FANCL: variants seen among roughly 807,000 people sequenced by gnomAD.
The protein encoded by FANCL is E3 ubiquitin-protein ligase FANCL.
In FANCL, 69 loss-of-function variants were observed where a neutral mutation model predicts 59.4. The observed-to-expected ratio is 1.16, with a 90% CI of 0.96 to 1.42. The LOEUF is 1.42. Among genes scored for constraint, FANCL ranks in the 40% most tolerant of loss-of-function variants. The pLI is 0.00. For missense variants in FANCL, 519 were observed against 447.2 expected (o/e 1.16, Z -1.45); for synonymous variants, 180 against 147.1 (o/e 1.22, Z -1.62).
At chr2:58,163,354 A>C in intron 9 of FANCL, 80 bp downstream of exon 9, 1 of 961,050 alleles carries the variant, frequency 1.0e-6, no homozygotes, top group Non-Finnish European at 1.7e-6. Context: ...TTAATATACT[A>C]ATATTGTCTA....
At chr2:58,223,126 A>G (rs1692645340) in intron 4 of FANCL, among the ~76,000 whole-genome samples, 1 of 150,828 alleles carries the variant, frequency 6.6e-6, no homozygotes, top group African/African-American at 2.5e-5. Context: ...TTCGTTCTGA[A>G]TCTGCTTTAT....
intron 5 of FANCL, among the ~76,000 whole-genome samples, chr2:58,208,592 T>C (rs1439347915): frequency 6.6e-6 from 1 of 152,222 alleles, no homozygotes; most frequent in Non-Finnish European, 1.5e-5. Context: ...TTTAGCCATC[T>C]AGATGCATTT....
chr2:58,187,822 T>G (rs1015347700), intron 7 of FANCL, among the ~76,000 whole-genome samples: 2 of 152,044 alleles, frequency 1.3e-5, no homozygotes, highest in Non-Finnish European at 2.9e-5. Context: ...ACTTTGAGAG[T>G]TCTTTATATA....
At chr2:58,217,938 A>T (rs1422974420) in intron 5 of FANCL, among the ~76,000 whole-genome samples, 1 of 152,140 alleles carries the variant, frequency 6.6e-6, no homozygotes, top group Non-Finnish European at 1.5e-5. Flanking sequence ...CAAAATTGAC[A>T]AGGTGCTGGG....
At chr2:58,214,672 A>C (rs959410714) in intron 5 of FANCL, among the ~76,000 whole-genome samples, 1 of 151,284 alleles carries the variant, frequency 6.6e-6, no homozygotes, top group Non-Finnish European at 1.5e-5. Context: ...TAATTTATTT[A>C]TTTATTTATT....
Position 58,192,060 on chromosome 2 carries a change from G to A in FANCL, c.540+6534C>T, listed in dbSNP as rs1429940406. ...AGCAGATATGAAGCCTACTGTGAAG[G>A]TCTATAGTAAAGTCATATTTATTAA... On this transcript the variant is annotated intron_variant, in intron 7 of 13. Transcript: ENST00000233741. Among the ~76,000 whole-genome samples, 3 of 151,932 alleles carry A rather than the reference G, an allele frequency of 2.0e-5. No individual in the cohort carries two copies. The East Asian group carries it at 5.8e-4, about 29-fold the overall frequency.
chr2:58,192,969 G>A (rs1361774331), intron 7 of FANCL, among the ~76,000 whole-genome samples: 1 of 151,680 alleles, frequency 6.6e-6, no homozygotes, highest in African/African-American at 2.4e-5. Flanking sequence ...ACATCCTGAT[G>A]ATCAACTAAA....
At chr2:58,230,742 C>G (rs1385071984) in intron 2 of FANCL, among the ~76,000 whole-genome samples, 1 of 152,136 alleles carries the variant, frequency 6.6e-6, no homozygotes, top group Non-Finnish European at 1.5e-5. Flanking sequence ...CCATTGGTAA[C>G]CCCTGCTCAA....
chr2:58,191,597 A>G (rs185612924), intron 7 of FANCL, among the ~76,000 whole-genome samples: 1 of 152,080 alleles, frequency 6.6e-6, no homozygotes, highest in African/African-American at 2.4e-5. Flanking sequence ...TTTTGAGCAT[A>G]GAAAACTCCT....
At chr2:58,205,505 T>C (rs1419709120) in intron 5 of FANCL, among the ~76,000 whole-genome samples, 1 of 152,056 alleles carries the variant, frequency 6.6e-6, no homozygotes, top group African/African-American at 2.4e-5. Context: ...TTCAGATATA[T>C]CAATACCTGA....
intron 5 of FANCL, among the ~76,000 whole-genome samples, chr2:58,216,377 C>G (rs1691723196): frequency 6.6e-6 from 1 of 152,070 alleles, no homozygotes; most frequent in Non-Finnish European, 1.5e-5. Flanking sequence ...CAATATCCAA[C>G]AGTAAACATA....
chr2:58,165,905 TATGGTACTCTACCA>T, intron 7 of FANCL, 31 bp from the exon 8 acceptor site: 1 of 1,599,522 alleles, frequency 6.3e-7, no homozygotes, highest in Non-Finnish European at 8.6e-7. Flanking sequence ...GAATAAGTTA[TATGGTACTCTACCA>T]ATAGCAGATA....
At chr2:58,168,398 G>A (rs13417865) in intron 7 of FANCL, among the ~76,000 whole-genome samples, 2 of 152,164 alleles carry the variant, frequency 1.3e-5, no homozygotes, top group African/African-American at 2.4e-5. Flanking sequence ...ACTGTGCCAT[G>A]AGGAGTGGTG....
intron 4 of FANCL, among the ~76,000 whole-genome samples, chr2:58,225,713 G>C (rs372814889): frequency 2.0e-5 from 3 of 151,952 alleles, no homozygotes; most frequent in East Asian, 3.8e-4. Flanking sequence ...TACAAAGAAA[G>C]TAGAATATGT....
intron 4 of FANCL, 22 bp downstream of exon 4, chr2:58,226,706 C>CAA: frequency 7.1e-7 from 1 of 1,413,538 alleles, no homozygotes; most frequent in Non-Finnish European, 9.9e-7. Context: ...GTAACAGTGT[C>CAA]AGAAAAAAAA....
chr2:58,183,367 C>T (rs1002121643), intron 7 of FANCL, among the ~76,000 whole-genome samples: 2 of 151,590 alleles, frequency 1.3e-5, no homozygotes, highest in South Asian at 2.1e-4. Context: ...TCTGAATTCT[C>T]CAAAGTAGCT....
rs140566807 is a variant in FANCL, at chr2:58,208,897, C to T, written c.375-4671G>A. On this transcript the variant is annotated intron_variant, in intron 5 of 13. Coordinates refer to ENST00000233741, the MANE Select transcript of FANCL (RefSeq NM_018062.4). ...TCACCTGCATATAGAGAATCATTAGCCTCGTAGTCAAGACCCCTCTGTTTA... is the reference window on the plus strand; with the variant it reads ...TCACCTGCATATAGAGAATCATTAGTCTCGTAGTCAAGACCCCTCTGTTTA... Among the ~76,000 whole-genome samples, 492 of 152,250 alleles carry T rather than the reference C, an allele frequency of 3.2e-3. 1 individual carries two copies. The highest frequency in any genetic ancestry group is 0.014 in the Middle Eastern group (4 of 294).
intron 7 of FANCL, among the ~76,000 whole-genome samples, chr2:58,171,869 A>G (rs1686663617): frequency 6.7e-6 from 1 of 149,164 alleles, no homozygotes; most frequent in South Asian, 2.1e-4. Context: ...AAGGGGTGAC[A>G]GACAGCACCC....
intron 5 of FANCL, among the ~76,000 whole-genome samples, chr2:58,218,970 C>T (rs1330567955): frequency 6.7e-6 from 1 of 149,878 alleles, no homozygotes; most frequent in Non-Finnish European, 1.5e-5. Flanking sequence ...GCTAAGAAGG[C>T]CTAGAAACAA....
Sources: gnomAD v4.1 joint callset for allele counts (sites outside exome capture counted in the v4.1 genomes callset) on GRCh38, gnomAD v4.1.1 for gene constraint, MANE v1.5 for transcripts, NCBI Gene and HGNC (gene_info 2026-07-23, HGNC 2026-07-21) for gene names.